PSMB10: variants seen among roughly 807,000 people sequenced by gnomAD.
The protein encoded by PSMB10 is proteasome subunit beta type-10.
PSMB10 carries 29 observed loss-of-function variants against 29.8 expected under a neutral mutation model. The observed-to-expected ratio is 0.97, with a 90% confidence interval of 0.73 to 1.33. The LOEUF is 1.33. Among genes scored for constraint, PSMB10 ranks in the 40% most tolerant of loss-of-function variants. The pLI is 0.00. For synonymous variants in PSMB10, 157 were observed against 164.7 expected (o/e 0.95, Z 0.36); for missense variants, 327 against 369.2 (o/e 0.89, Z 0.94).
In PSMB10 at chr16:67,934,633, A is replaced by G. The variant is rs2058255570; in HGVS notation, c.749T>C (p.Val250Ala). 2 of 1,614,022 alleles carry G rather than the reference A, an allele frequency of 1.2e-6. No homozygotes were observed. The highest frequency in any genetic ancestry group is 2.7e-5 in the African/African-American group (2 of 74,896). Residue 250 changes from valine (V) to alanine (A), a missense_variant, in exon 8 of 8, where the codon GTC becomes GCC. Coordinates refer to ENST00000358514, the MANE Select transcript of PSMB10 (RefSeq NM_002801.4). This position sits in a 1 kb window ranked among gnomAD's most constrained non-coding sequence, Gnocchi z 4.3. ...RYHFVPGTTA[V>A]LTQTVKPLTL... ...TAGTGGCTTCACTGTCTGGGTCAGG[A>G]CAGCTGTGGTTCCAGGCACAAAGTG...
chr16:67,935,639 G>A lies in PSMB10; in HGVS notation c.442C>T (p.Gln148Ter). Residue 148 changes from glutamine (Q) to a stop codon, truncating the protein, a stop_gained, in exon 5 of 8, where the codon CAG becomes TAG. Coordinates refer to ENST00000358514, the MANE Select transcript of PSMB10 (RefSeq NM_002801.4). LOFTEE classifies it high-confidence loss of function. ...IVGGVDLTGP[Q>*]LYGVHPHGSY... ...CCATGGGGATGCACACCGTAGAGCT[G>A]CGGTCCAGTCAGGTCTACGCCGCCC... 6.2e-7 allele frequency: 1 copy of A among 1,614,220 alleles called. No individual in the cohort carries two copies. The highest frequency in any genetic ancestry group is 8.5e-7 in the Non-Finnish European group (1 of 1,180,050).
At chr16:67,935,871 G>A in intron 4 of PSMB10, 92 bp downstream of exon 4, 2 of 1,534,118 alleles carry the variant, frequency 1.3e-6, no homozygotes, top group East Asian at 2.3e-5. Context: ...CACCTGGCCC[G>A]TCGCGGTCCC....
Position 67,935,434 on chromosome 16 carries a change from G to A in PSMB10, c.544C>T (p.Gln182Ter), listed in dbSNP as rs1402060952. The change falls in exon 6 of 8, where the codon CAG becomes TAG. Residue 182 changes from glutamine to a stop codon, truncating the protein, a stop_gained. Transcript: ENST00000358514. LOFTEE classifies it high-confidence loss of function. The stretch of plus-strand genomic sequence containing the variant: ...AGGCCGCTCACCGTCATGTTCGGCT[G>A]GAACCGGTCTTCTAGCACCGCCAGG... ...AALAVLEDRF[Q>*]PNMTLEAAQG... 1 of 1,614,084 alleles carries A rather than the reference G, an allele frequency of 6.2e-7. No individual in the cohort carries two copies. The highest frequency in any genetic ancestry group is 8.5e-7 in the Non-Finnish European group (1 of 1,180,036).
Position 67,935,586 on chromosome 16 carries a change from G to A in PSMB10, c.495C>T (p.Ala165=). The stretch of plus-strand genomic sequence containing the variant: ...AGAAGGGACAGAAGCGCTCACCCAG[G>A]GCTGTGAAGGGCAGACGGCTGTAGG... ...HGSYSRLPFT[A]LGSGQDAALA... The change falls in exon 5 of 8, where the codon GCC becomes GCT. Residue 165 remains alanine, a synonymous_variant. Coordinates refer to ENST00000358514, the MANE Select transcript of PSMB10 (RefSeq NM_002801.4). 1 of 1,614,230 alleles carries A rather than the reference G, an allele frequency of 6.2e-7. No individual in the cohort carries two copies. Among genetic ancestry groups the A allele is most frequent in the Non-Finnish European group, 8.5e-7 (1 of 1,180,034 alleles).
Position 67,936,065 on chromosome 16 carries a change from GTC to G in PSMB10, c.279_280del (p.Met93IlefsTer112). The G allele has an allele frequency of 3.7e-6, 6 of 1,611,930 alleles. No homozygotes were observed. In the South Asian group the frequency reaches 5.5e-5, roughly 15 times the overall value. ...CATCTTGGACGCCACCATCCGTGTG[GTC>G]ATCTCGGCGTCCGCGGCTACTCCAG... On this transcript the variant is annotated frameshift_variant, in exon 4 of 8. Coordinates refer to ENST00000358514, the MANE Select transcript of PSMB10 (RefSeq NM_002801.4). LOFTEE classifies it high-confidence loss of function.
At chr16:67,935,024 T>G (rs1377834575) in intron 6 of PSMB10, 76 bp from the exon 7 acceptor site, 10 of 1,545,266 alleles carry the variant, frequency 6.5e-6, no homozygotes, top group Non-Finnish European at 5.2e-6. Context: ...GACTTGCCTG[T>G]CCACTTACCC....
At position 67,935,951 on chromosome 16, in the gene PSMB10, C is replaced by T; in HGVS notation, c.383+12G>A. The T allele has an allele frequency of 1.2e-6, 2 of 1,604,914 alleles. No homozygotes were observed. Among genetic ancestry groups the T allele is most frequent in the Non-Finnish European group, 1.7e-6 (2 of 1,173,874 alleles). On this transcript the variant is annotated intron_variant, in intron 4 of 7. Transcript: ENST00000358514. ...TACCCCTGCCGGGGTCCTGTTAGCC[C>T]TGCCCCCGCACCTGAAGAGCGTCTG...
Position 67,935,971 on chromosome 16 carries a change from C to T in PSMB10, c.375G>A (p.Thr125=), listed in dbSNP as rs1234271390. ...TAGCCCTGCCCCCGCACCTGAAGAG[C>T]GTCTGGCGCAGGATGCGAGTGACCG... ...VATVTRILRQ[T]LFRYQGHVGA... Residue 125 remains threonine (T), a synonymous_variant, in exon 4 of 8, where the codon ACG becomes ACA. Transcript: ENST00000358514. 2 of 1,610,254 alleles carry T rather than the reference C, an allele frequency of 1.2e-6. No homozygotes were observed. Among genetic ancestry groups the T allele is most frequent in the East Asian group, 4.5e-5 (2 of 44,800 alleles).
intron 6 of PSMB10, 119 bp downstream of exon 6, chr16:67,935,301 A>C: frequency 8.0e-7 from 1 of 1,246,274 alleles, no homozygotes; most frequent in Non-Finnish European, 1.1e-6. Flanking sequence ...CTCACCCTTC[A>C]GTGGTCACCT....
intron 5 of PSMB10, 50 bp from the exon 6 acceptor site, chr16:67,935,528 G>A (rs1320132368): frequency 6.2e-6 from 10 of 1,613,908 alleles, no homozygotes; most frequent in South Asian, 1.1e-5. Flanking sequence ...GCCGTTTGGA[G>A]TGAGGCCAAG....
At chr16:67,936,167 A>G in intron 3 of PSMB10, 48 bp downstream of exon 3, 1 of 1,610,654 alleles carries the variant, frequency 6.2e-7, no homozygotes, top group Non-Finnish European at 8.5e-7. Context: ...AGTGGGAACG[A>G]GGGGGCCGTT....
intron 4 of PSMB10, 130 bp from the exon 5 acceptor site, chr16:67,935,827 T>C (rs1183322648): frequency 1.4e-6 from 2 of 1,471,938 alleles, no homozygotes; most frequent in Non-Finnish European, 1.8e-6. Context: ...CCTTTTCCTG[T>C]AGCCCAGGTT....
Position 67,936,478 on chromosome 16 carries a change from A to G in PSMB10, c.64T>C (p.Ser22Pro), listed in dbSNP as rs766292996. The G allele has an allele frequency of 1.9e-5, 31 of 1,612,798 alleles. No homozygotes were observed. The Admixed American group carries it at 5.2e-4, about 27-fold the overall frequency. ...FSFENCQRNA[S>P]LERVLPGLKV... Reference sequence around the variant, plus strand: ...AGCCCCGGGAGGACGCGTTCCAATGATGCATTTCTGGAAACGGAGGAGGGC... The same window carrying G: ...AGCCCCGGGAGGACGCGTTCCAATGGTGCATTTCTGGAAACGGAGGAGGGC... Residue 22 changes from serine to proline, a missense_variant, in exon 2 of 8, where the codon TCA (serine) becomes CCA (proline). By Grantham distance (74) the Ser-to-Pro change is moderately conservative (BLOSUM62 -1). Coordinates refer to ENST00000358514, the MANE Select transcript of PSMB10 (RefSeq NM_002801.4).
chr16:67,936,120 G>A lies in PSMB10; in HGVS notation c.243-17C>T, dbSNP rs746660058. ...CCACAGCAGCTGAGGCAAAAGGGAG[G>A]ATCGGTGTGGGCAGGGCTGGGACGT... On this transcript the variant is annotated splice_polypyrimidine_tract_variant and intron_variant, in intron 3 of 7. Coordinates refer to ENST00000358514, the MANE Select transcript of PSMB10 (RefSeq NM_002801.4). 1.9e-5 allele frequency: 31 copies of A among 1,607,990 alleles called. No individual in the cohort carries two copies. In the East Asian group the frequency reaches 5.4e-4, roughly 28 times the overall value.
chr16:67,935,056 C>G (rs1395564855), intron 6 of PSMB10, 108 bp from the exon 7 acceptor site: 13 of 1,414,502 alleles, frequency 9.2e-6, no homozygotes, highest in Non-Finnish European at 1.1e-5. Flanking sequence ...GCCCTCCAAA[C>G]CCCCACTGTG....
intron 4 of PSMB10, 101 bp from the exon 5 acceptor site, chr16:67,935,798 C>T: frequency 6.8e-7 from 1 of 1,477,534 alleles, no homozygotes; most frequent in Non-Finnish European, 9.2e-7. Context: ...TGTGGGCTGG[C>T]GCCCGATGAC....
chr16:67,936,354 A>ACT, intron 2 of PSMB10, 42 bp from the exon 3 acceptor site: 1 of 1,609,514 alleles, frequency 6.2e-7, no homozygotes, highest in Non-Finnish European at 8.5e-7. Flanking sequence ...CCTGCTCGAT[A>ACT]CTCTCGGCTC....
In PSMB10 at chr16:67,935,484, G is replaced by A; in HGVS notation, c.500-6C>T. On this transcript the variant is annotated splice_polypyrimidine_tract_variant and splice_region_variant and intron_variant, in intron 5 of 7. Transcript: ENST00000358514. The stretch of plus-strand genomic sequence containing the variant: ...GGCCGCGTCCTGACCAGAGCCTGAA[G>A]GCAGGAGAAGCATCTGAAGTCAACC... 6.2e-7 allele frequency: 1 copy of A among 1,614,082 alleles called. No individual in the cohort carries two copies. Among genetic ancestry groups the A allele is most frequent in the Non-Finnish European group, 8.5e-7 (1 of 1,179,934 alleles).
In PSMB10 at chr16:67,936,238, G is replaced by A; in HGVS notation, c.219C>T (p.Ile73=). 1 of 1,614,028 alleles carries A rather than the reference G, an allele frequency of 6.2e-7. No individual in the cohort carries two copies. Among genetic ancestry groups the A allele is most frequent in the Non-Finnish European group, 8.5e-7 (1 of 1,179,974 alleles). Residue 73 remains isoleucine, a synonymous_variant, in exon 3 of 8, where the codon ATC becomes ATT. Coordinates refer to ENST00000358514, the MANE Select transcript of PSMB10 (RefSeq NM_002801.4). The part of the protein sequence containing the change: ...SVVADKSCEK[I]HFIAPKIYCC... ...ACTAGATTTTGGGGGCGATGAAGTG[G>A]ATCTTCTCGCAGCTCTTGTCCGCCA...
Sources: allele counts gnomAD v4.1 joint callset, GRCh38; gene constraint gnomAD v4.1.1; non-coding constraint Gnocchi (gnomAD v3.1); transcripts MANE v1.5; gene names NCBI Gene and HGNC (gene_info 2026-07-23, HGNC 2026-07-21).